The following TENM2 variants were observed in gnomAD, a reference collection of about 807,000 sequenced individuals.
The protein encoded by TENM2 is teneurin transmembrane protein 2, also known as teneurin-2.
In TENM2, 52 loss-of-function variants were observed where a neutral mutation model predicts 245.2. The ratio of observed to expected loss-of-function variants is 0.21; its 90% CI spans 0.17 to 0.27. TENM2 has a LOEUF of 0.27. Among genes scored for constraint, TENM2 ranks in the 10% least tolerant of loss-of-function variants. TENM2 has a pLI of 1.00. For missense variants in TENM2, 3,046 were observed against 3,666.8 expected, an observed-to-expected ratio of 0.83 and a Z score of 4.37; for synonymous variants, 1,363 against 1,438.9, an observed-to-expected ratio of 0.95 and a Z score of 1.19.
intron 2 of TENM2, among the ~76,000 whole-genome samples, chr5:167,502,828 G>C (rs1434257775): frequency 6.6e-6 from 1 of 152,134 alleles, no homozygotes; most frequent in Non-Finnish European, 1.5e-5. Context: ...CAATTCTAAA[G>C]CCAAATATAT....
chr5:167,953,032 A>G (rs1049086544), intron 4 of TENM2, among the ~76,000 whole-genome samples: 1 of 152,212 alleles, frequency 6.6e-6, no homozygotes, highest in Non-Finnish European at 1.5e-5. Flanking sequence ...GTCTCCTTTT[A>G]AAGCTTGTTT....
At position 167,364,642 on chromosome 5, in the gene TENM2, A is replaced by C. The variant is rs541126899; in HGVS notation, c.227-10556A>C. Among the ~76,000 whole-genome samples the C allele has an allele frequency of 5.9e-5, 9 of 152,200 alleles. No homozygotes were observed. In the East Asian group the frequency reaches 1.7e-3, roughly 29 times the overall value. ...AGTCACACGTTTATTGCTTACAATA[A>C]AAATAAGAAAGCTGGCTTGACTGCT... On this transcript the variant is annotated intron_variant, in intron 1 of 28. Transcript: ENST00000518659.
chr5:167,486,862 C>A (rs1768108334), intron 2 of TENM2, among the ~76,000 whole-genome samples: 1 of 151,970 alleles, frequency 6.6e-6, no homozygotes, highest in African/African-American at 2.4e-5. Flanking sequence ...TCCATGGACA[C>A]TTGTTTATAT....
rs762686644 is a variant in TENM2 at position 168,118,287 on chromosome 5, T to C, written c.1814-5T>C. 6 of 1,549,372 alleles carry C rather than the reference T, an allele frequency of 3.9e-6. No individual in the cohort carries two copies. The highest frequency in any genetic ancestry group is 4.4e-6 in the Non-Finnish European group (5 of 1,138,548). Reference sequence around the variant, plus strand: ...GACCTAGTGCTCTGTCTTTGGTTTGTGCAGCTGCCTGCCCTGTCCTGTGCA... The same window carrying C: ...GACCTAGTGCTCTGTCTTTGGTTTGCGCAGCTGCCTGCCCTGTCCTGTGCA... On this transcript the variant is annotated splice_region_variant and splice_polypyrimidine_tract_variant and intron_variant, in intron 9 of 28. Transcript: ENST00000518659.
chr5:168,135,728 C>A lies in TENM2; in HGVS notation c.2422+8762C>A, dbSNP rs570387679. Among the ~76,000 whole-genome samples, 36 of 151,838 alleles carry A rather than the reference C, an allele frequency of 2.4e-4. No homozygotes were observed. In the South Asian group the frequency reaches 2.7e-3, roughly 11 times the overall value. ...TCTTCCCTCTAATTAAAAAAAAAAT[C>A]CCTAGTTTTAAGTAAAGTGTTCGTT... On this transcript the variant is annotated intron_variant, in intron 12 of 28. Coordinates refer to ENST00000518659, the Ensembl canonical transcript of TENM2.
chr5:167,246,140 C>G, the TENM2 span, among the ~76,000 whole-genome samples: 1 of 152,142 alleles, frequency 6.6e-6, no homozygotes, highest in African/African-American at 2.4e-5. Context: ...CAATTTCATC[C>G]TTTCTACGGC....
intron 1 of TENM2, among the ~76,000 whole-genome samples, chr5:167,340,803 CAA>C (rs1356958416): frequency 6.6e-6 from 1 of 152,180 alleles, no homozygotes; most frequent in Non-Finnish European, 1.5e-5. Flanking sequence ...ATCATACAGA[CAA>C]AATATTAAAC....
intron 25 of TENM2, among the ~76,000 whole-genome samples, chr5:168,238,221 G>GAAAAGAA (rs1418191846): frequency 8.2e-5 from 2 of 24,382 alleles, no homozygotes; most frequent in Non-Finnish European, 1.6e-4. Flanking sequence ...GAGGGAGAGA[G>GAAAAGAA]AAGAAAAGAA....
At chr5:167,298,891 T>A (rs1755134438) in intron 1 of TENM2, among the ~76,000 whole-genome samples, 1 of 152,074 alleles carries the variant, frequency 6.6e-6, no homozygotes, top group East Asian at 1.9e-4. Context: ...GAACGGTGAA[T>A]AGGAGTGTGA....
chr5:167,965,602 C>G (rs1400808675), intron 4 of TENM2: 1 of 151,340 alleles, frequency 6.6e-6, no homozygotes, highest in African/African-American at 2.4e-5. Context: ...AAAAAAAATT[C>G]TCTCCAGAAA....
At chr5:167,300,974 C>T (rs1755276588) in intron 1 of TENM2, among the ~76,000 whole-genome samples, 1 of 152,090 alleles carries the variant, frequency 6.6e-6, no homozygotes, top group South Asian at 2.1e-4. Flanking sequence ...GCCTGGCCGT[C>T]AATACCTACA....
At chr5:167,894,216 G>A (rs1774993846) in intron 3 of TENM2, among the ~76,000 whole-genome samples, 1 of 152,182 alleles carries the variant, frequency 6.6e-6, no homozygotes, top group African/African-American at 2.4e-5. Context: ...GATAGATGAT[G>A]AATGGAGAAA....
chr5:168,097,136 C>T (rs1281691892), intron 8 of TENM2, among the ~76,000 whole-genome samples: 2 of 152,164 alleles, frequency 1.3e-5, no homozygotes, highest in Non-Finnish European at 2.9e-5. Context: ...TTTAAGCAGT[C>T]TATGCATTTG....
At position 167,472,476 on chromosome 5, in the gene TENM2, A is replaced by G. The variant is rs192699974; in HGVS notation, c.502+97003A>G. Among the ~76,000 whole-genome samples the G allele has an allele frequency of 5.3e-5, 8 of 152,312 alleles. No homozygotes were observed. The East Asian group carries it at 1.4e-3, about 26-fold the overall frequency. ...TATTTTATAGTAATGACTGTCCTGA[A>G]TGACTAATTTTCACTGCTATCCATC... On this transcript the variant is annotated intron_variant, in intron 2 of 28. Coordinates refer to ENST00000518659, the Ensembl canonical transcript of TENM2.
chr5:168,139,881 A>T (rs1755384572), intron 12 of TENM2, among the ~76,000 whole-genome samples: 1 of 152,198 alleles, frequency 6.6e-6, no homozygotes, highest in East Asian at 1.9e-4. Flanking sequence ...TAGAGGCCAG[A>T]TATTTGGATT....
At chr5:168,166,410 G>T (rs1245124076) in intron 13 of TENM2, among the ~76,000 whole-genome samples, 1 of 152,154 alleles carries the variant, frequency 6.6e-6, no homozygotes, top group Non-Finnish European at 1.5e-5. Flanking sequence ...GATAGATATA[G>T]ATACAAATAA....
the TENM2 span, among the ~76,000 whole-genome samples, chr5:167,122,199 A>G: frequency 1.3e-5 from 2 of 152,098 alleles, no homozygotes; most frequent in Non-Finnish European, 2.9e-5. Flanking sequence ...GATTTTTGAG[A>G]CCTAAGGTCC....
intron 5 of TENM2, among the ~76,000 whole-genome samples, chr5:167,995,820 C>CAA (rs1431452457): frequency 1.3e-5 from 2 of 152,160 alleles, no homozygotes; most frequent in African/African-American, 4.8e-5. Flanking sequence ...CAGTGCATTG[C>CAA]AAACACAGAG....
intron 6 of TENM2, among the ~76,000 whole-genome samples, chr5:168,061,402 AT>A (rs1790026143): frequency 6.6e-6 from 1 of 152,164 alleles, no homozygotes; most frequent in Non-Finnish European, 1.5e-5. Context: ...AAAAATAGAT[AT>A]TTTTGGAATT....
Sources: allele counts gnomAD v4.1 joint callset (sites outside exome capture counted in the v4.1 genomes callset), GRCh38; gene constraint gnomAD v4.1.1; transcripts MANE v1.5; gene names NCBI Gene and HGNC (gene_info 2026-07-23, HGNC 2026-07-21).